The following UNC5A variants were observed in gnomAD, a reference collection of about 807,000 sequenced individuals.
The protein encoded by UNC5A is netrin receptor UNC5A.
A neutral mutation model predicts 87.4 loss-of-function variants in UNC5A; 20 were observed. That is an observed-to-expected ratio of 0.23 (90% CI 0.16 to 0.33). The LOEUF (loss-of-function observed/expected upper bound fraction) is 0.33, where lower values mean the gene tolerates loss of function less well. Among genes scored for constraint, UNC5A ranks in the 10% least tolerant of loss-of-function variants. The pLI is 1.00. For missense variants in UNC5A, 844 were observed against 1,133.4 expected, an observed-to-expected ratio of 0.74 and a Z score of 3.67; for synonymous variants, 438 against 482.3, an observed-to-expected ratio of 0.91 and a Z score of 1.20.
intron 13 of UNC5A, 32 bp downstream of exon 13, chr5:176,878,671 C>A: frequency 6.3e-7 from 1 of 1,592,124 alleles, no homozygotes. Flanking sequence ...ACCGCCGTGA[C>A]GTGCTCCCAC....
At position 176,877,184 on chromosome 5, in the gene UNC5A, C is replaced by G. The variant is rs573447345; in HGVS notation, c.1379-8C>G. Reference sequence around the variant, plus strand: ...GGGTAAGCCCTGGCCCTCTTCCTGCCGTTCCAGGAATCAGCCTCCTCATCC... The same window carrying G: ...GGGTAAGCCCTGGCCCTCTTCCTGCGGTTCCAGGAATCAGCCTCCTCATCC... On this transcript the variant is annotated splice_region_variant and splice_polypyrimidine_tract_variant and intron_variant, in intron 8 of 14. Transcript: ENST00000329542. 8 of 1,606,704 alleles carry G rather than the reference C, an allele frequency of 5.0e-6. No individual in the cohort carries two copies. Among genetic ancestry groups the G allele is most frequent in the South Asian group, 4.4e-5 (4 of 90,914 alleles).
At chr5:176,828,153 G>A (rs1291031611) in intron 1 of UNC5A, among the ~76,000 whole-genome samples, 3 of 152,164 alleles carry the variant, frequency 2.0e-5, no homozygotes, top group Non-Finnish European at 4.4e-5. Context: ...TGTGTGTCTT[G>A]TCACCAGGAT....
chr5:176,838,500 A>G lies in UNC5A; in HGVS notation c.71-24124A>G, dbSNP rs547938958. On this transcript the variant is annotated intron_variant, in intron 1 of 14. Coordinates refer to ENST00000329542, the MANE Select transcript of UNC5A (RefSeq NM_133369.3). This position sits in a 1 kb window ranked among gnomAD's most constrained non-coding sequence, Gnocchi z 4.2. ...AAACTCGACTCACACAGACTTAAAC[A>G]CATTTACTAAGTGGATGTTATTGAC... is the stretch of plus-strand genomic sequence containing the variant. 7.9e-5 allele frequency among the ~76,000 whole-genome samples: 12 copies of G among 152,380 alleles called. 1 individual carries two copies. The East Asian group carries it at 1.9e-3, about 24-fold the overall frequency.
Position 176,827,790 on chromosome 5 carries a change from C to T in UNC5A, c.70+16970C>T, listed in dbSNP as rs977305087. ...AGCAATAACGAGGGTTCCAGTTTCTCCATGTCCTGATTCTTATATTTGAAG... is the reference window on the plus strand; with the variant it reads ...AGCAATAACGAGGGTTCCAGTTTCTTCATGTCCTGATTCTTATATTTGAAG... On this transcript the variant is annotated intron_variant, in intron 1 of 14. Transcript: ENST00000329542. Among the ~76,000 whole-genome samples, 4 of 152,212 alleles carry T rather than the reference C, an allele frequency of 2.6e-5. No homozygotes were observed. In the South Asian group the frequency reaches 6.2e-4, roughly 24 times the overall value.
At chr5:176,860,722 G>T (rs1463987723) in intron 1 of UNC5A, among the ~76,000 whole-genome samples, 1 of 152,244 alleles carries the variant, frequency 6.6e-6, no homozygotes, top group Non-Finnish European at 1.5e-5. Context: ...GGTTCAGGGT[G>T]GGGTGGGTCT....
chr5:176,837,189 A>G (rs1757167743), intron 1 of UNC5A, among the ~76,000 whole-genome samples: 1 of 151,012 alleles, frequency 6.6e-6, no homozygotes, highest in South Asian at 2.1e-4. Context: ...CCCCACTCCC[A>G]TACCTCACTC....
In UNC5A at chr5:176,862,620, G is replaced by A. The variant is rs142057511; in HGVS notation, c.71-4G>A. 32 of 1,612,898 alleles carry A rather than the reference G, an allele frequency of 2.0e-5. No homozygotes were observed. Among genetic ancestry groups the A allele is most frequent in the African/African-American group, 6.7e-5 (5 of 75,052 alleles). ...GCTCACCTTCCCCCTCTGCCCTGCC[G>A]CAGGTGCCCAGCAGAGTGCCACCGT... is the stretch of plus-strand genomic sequence containing the variant. On this transcript the variant is annotated splice_region_variant and splice_polypyrimidine_tract_variant and intron_variant, in intron 1 of 14. Coordinates refer to ENST00000329542, the MANE Select transcript of UNC5A (RefSeq NM_133369.3).
At chr5:176,842,024 C>T (rs567145844) in intron 1 of UNC5A, among the ~76,000 whole-genome samples, 13 of 152,096 alleles carry the variant, frequency 8.5e-5, no homozygotes, top group African/African-American at 9.7e-5. Flanking sequence ...GGTGAAACCC[C>T]GTTTCTACTA....
At chr5:176,853,465 G>C (rs1757594087) in intron 1 of UNC5A, among the ~76,000 whole-genome samples, 1 of 152,158 alleles carries the variant, frequency 6.6e-6, no homozygotes, top group Admixed American at 6.5e-5. Flanking sequence ...TGTCCTCCTC[G>C]TGACTCCTGT....
Position 176,842,395 on chromosome 5 carries a change from AG to A in UNC5A, c.71-20228del, listed in dbSNP as rs1757297991. Among the ~76,000 whole-genome samples the A allele has an allele frequency of 3.3e-5, 5 of 152,332 alleles. No homozygotes were observed. The South Asian group carries it at 1.0e-3, about 32-fold the overall frequency. ...AGGAAAAGAAGTTATTATACAGAAA[AG>A]ATGCTTGCACACACATGTTTATAGC... On this transcript the variant is annotated intron_variant, in intron 1 of 14. Coordinates refer to ENST00000329542, the MANE Select transcript of UNC5A (RefSeq NM_133369.3).
In UNC5A at chr5:176,865,602, C is replaced by A. The variant is rs1433102584; in HGVS notation, c.293-2528C>A. ...ATCTCATCGATTTCTCAACCCAAAG[C>A]CATCGAGTGCTTTGAGGTGAAGAAA... is the stretch of plus-strand genomic sequence containing the variant. On this transcript the variant is annotated intron_variant, in intron 2 of 14. Coordinates refer to ENST00000329542, the MANE Select transcript of UNC5A (RefSeq NM_133369.3). This position sits in a 1 kb window ranked among gnomAD's most constrained non-coding sequence, Gnocchi z 5.3. 2.2e-6 allele frequency: 1 copy of A among 456,938 alleles called. No homozygotes were observed. Among genetic ancestry groups the A allele is most frequent in the South Asian group, 1.5e-5 (1 of 64,578 alleles). The allele number at this position is 456,938 out of a possible 1,614,324, so 28.3% of individuals were successfully genotyped here.
rs11743186 is a variant in UNC5A at position 176,866,339 on chromosome 5, C to T, written c.293-1791C>T. Among the ~76,000 whole-genome samples the T allele has an allele frequency of 0.012, 1,787 of 152,332 alleles. 7 individuals carry two copies. Among genetic ancestry groups the T allele is most frequent in the Non-Finnish European group, 0.021 (1,436 of 68,028 alleles). Reference sequence around the variant, plus strand: ...CTGAAGGGCACCCCTCACCAAGGCACTGCGTGGAGCTGGCACATTGAGGAC... The same window carrying T: ...CTGAAGGGCACCCCTCACCAAGGCATTGCGTGGAGCTGGCACATTGAGGAC... On this transcript the variant is annotated intron_variant, in intron 2 of 14. Transcript: ENST00000329542. The surrounding 1 kb of genome is among the most constrained non-coding windows in gnomAD (Gnocchi z 5.0).
chr5:176,874,189 C>T lies in UNC5A; in HGVS notation c.1075+33C>T. 6.2e-7 allele frequency: 1 copy of T among 1,605,314 alleles called. No homozygotes were observed. Among genetic ancestry groups the T allele is most frequent in the Non-Finnish European group, 8.5e-7 (1 of 1,173,764 alleles). On this transcript the variant is annotated intron_variant, in intron 7 of 14. Transcript: ENST00000329542. The surrounding 1 kb of genome is among the most constrained non-coding windows in gnomAD (Gnocchi z 7.6). The stretch of plus-strand genomic sequence containing the variant: ...GCCCCGTGCCCCCAGCACTCCTGCC[C>T]CAGCTCCCACGCCAAGGGCTGCTGG...
intron 1 of UNC5A, among the ~76,000 whole-genome samples, chr5:176,823,705 A>T (rs1756785019): frequency 6.7e-6 from 1 of 149,696 alleles, no homozygotes; most frequent in Admixed American, 6.7e-5. Flanking sequence ...AGTCAGGGAG[A>T]CCCTGGACAG....
intron 1 of UNC5A, among the ~76,000 whole-genome samples, chr5:176,857,531 A>G (rs1320144764): frequency 2.6e-5 from 4 of 151,730 alleles, no homozygotes; most frequent in Non-Finnish European, 4.4e-5. Context: ...CCACACACAC[A>G]TGCGCACACA....
chr5:176,831,890 T>C (rs1757038032), intron 1 of UNC5A, among the ~76,000 whole-genome samples: 2 of 5,920 alleles, frequency 3.4e-4, no homozygotes, highest in African/African-American at 3.7e-4. Flanking sequence ...TCTCTCTTTT[T>C]TTTTTTTTTT....
chr5:176,835,374 C>A (rs80203582), intron 1 of UNC5A, among the ~76,000 whole-genome samples: 1 of 152,350 alleles, frequency 6.6e-6, no homozygotes, highest in Non-Finnish European at 1.5e-5. Flanking sequence ...GTGTGTCTCC[C>A]AGGAAGGTTC....
intron 1 of UNC5A, among the ~76,000 whole-genome samples, chr5:176,860,347 G>C (rs796955351): frequency 6.6e-6 from 1 of 152,180 alleles, no homozygotes; most frequent in Non-Finnish European, 1.5e-5. Flanking sequence ...GCGGCCCTCG[G>C]GCCAGCAGCA....
chr5:176,870,230 G>T, intron 5 of UNC5A, 140 bp from the exon 6 acceptor site: 3 of 1,058,046 alleles, frequency 2.8e-6, no homozygotes, highest in Non-Finnish European at 2.7e-6. Context: ...TGCATCGTGG[G>T]CCTGGCCCTG....
Sources: gnomAD v4.1 joint callset for allele counts (sites outside exome capture counted in the v4.1 genomes callset) on GRCh38, gnomAD v4.1.1 for gene constraint, Gnocchi (gnomAD v3.1) non-coding constraint, MANE v1.5 for transcripts, NCBI Gene and HGNC (gene_info 2026-07-23, HGNC 2026-07-21) for gene names.